Variants in TRARG1 observed in about 807,000 individuals in gnomAD.
TRARG1 encodes the protein trafficking regulator of GLUT4 1.
A neutral mutation model predicts 13.3 loss-of-function variants in TRARG1; 16 were observed. That is an observed-to-expected ratio of 1.20 (90% CI 0.81 to 1.83). The LOEUF (loss-of-function observed/expected upper bound fraction) is 1.83. TRARG1 is among the 40% of genes most tolerant of loss of function. The pLI, the probability that TRARG1 is intolerant of heterozygous loss-of-function variation, is 0.00. For missense variants in TRARG1, 250 were observed against 237.4 expected (o/e 1.05, Z -0.35); for synonymous variants, 113 against 106.2 (o/e 1.06, Z -0.39).
In TRARG1 at chr17:1,280,035, G is replaced by A; in HGVS notation, c.34G>A (p.Ala12Thr). The A allele has an allele frequency of 6.8e-6, 11 of 1,613,196 alleles. No homozygotes were observed. Among genetic ancestry groups the A allele is most frequent in the Non-Finnish European group, 9.3e-6 (11 of 1,179,942 alleles). Residue 12 changes from alanine to threonine, a missense_variant, in exon 1 of 3, where the codon GCA becomes ACA. Ala to Thr is a moderately conservative substitution (Grantham distance 58). Transcript: ENST00000333813. ...AHPVQSEFPS[A>T]QEPGSAAFLD... ...CCCGGTGCAGTCCGAGTTTCCTTCA[G>A]CACAGGAGCCAGGCTCCGCCGCATT...
rs141390883 is a variant in TRARG1 at position 1,282,078 on chromosome 17, A to G, written c.387+1690A>G. 6.6e-3 allele frequency among the ~76,000 whole-genome samples: 998 copies of G among 150,900 alleles called. 6 individuals carry two copies. The highest frequency in any genetic ancestry group is 0.012 in the Non-Finnish European group (779 of 67,656). On this transcript the variant is annotated intron_variant, in intron 1 of 2. Coordinates refer to ENST00000333813, the MANE Select transcript of TRARG1 (RefSeq NM_172367.3). ...TATGTACATGTATACACATATATAC[A>G]TATATGTACATATATACGTATATGT...
intron 1 of TRARG1, among the ~76,000 whole-genome samples, chr17:1,283,217 CA>C (rs146524132): frequency 0.043 from 6,476 of 152,178 alleles, 443 homozygotes; most frequent in African/African-American, 0.15. Context: ...TTCCCATCTG[CA>C]AAATGGGTAT....
chr17:1,279,922 G>C lies in TRARG1; in HGVS notation c.-80G>C. ...CCCGACCTGGAGGCCCTCAGTCTGGGCTGGGGAATGGCGCGCTGAGGTCCC... is the reference window on the plus strand; with the variant it reads ...CCCGACCTGGAGGCCCTCAGTCTGGCCTGGGGAATGGCGCGCTGAGGTCCC... On this transcript the variant is annotated 5_prime_UTR_variant, in exon 1 of 3. Transcript: ENST00000333813. 1 of 1,503,894 alleles carries C rather than the reference G, an allele frequency of 6.6e-7. No individual in the cohort carries two copies. Among genetic ancestry groups the C allele is most frequent in the Non-Finnish European group, 8.9e-7 (1 of 1,122,700 alleles). The allele number at this position is 1,503,894 out of a possible 1,614,324, so 93.2% of individuals were successfully genotyped here.
chr17:1,297,976 T>C (rs2072124599), intron 2 of TRARG1, among the ~76,000 whole-genome samples: 1 of 152,116 alleles, frequency 6.6e-6, no homozygotes, highest in Non-Finnish European at 1.5e-5. Flanking sequence ...ATAGCAAAAG[T>C]CTCAGGACTG....
chr17:1,295,741 G>C, intron 2 of TRARG1, 118 bp downstream of exon 2: 1 of 1,297,834 alleles, frequency 7.7e-7, no homozygotes, highest in East Asian at 2.5e-5. Flanking sequence ...AGGGCTGGTG[G>C]GGGCCCCGGC....
chr17:1,291,698 T>C (rs1289431628), intron 1 of TRARG1, among the ~76,000 whole-genome samples: 3 of 151,958 alleles, frequency 2.0e-5, no homozygotes, highest in Non-Finnish European at 2.9e-5. Flanking sequence ...GTTCAAAGAG[T>C]GCCAGCGTTG....
chr17:1,281,965 T>A (rs1421539711), intron 1 of TRARG1, among the ~76,000 whole-genome samples: 1 of 149,996 alleles, frequency 6.7e-6, no homozygotes, highest in Non-Finnish European at 1.5e-5. Flanking sequence ...CATGTACATA[T>A]ATGCACACGT....
At chr17:1,282,371 T>C (rs1176035361) in intron 1 of TRARG1, among the ~76,000 whole-genome samples, 1 of 151,630 alleles carries the variant, frequency 6.6e-6, no homozygotes, top group Non-Finnish European at 1.5e-5. Context: ...TATATGTACG[T>C]ATATGTATAT....
chr17:1,280,137 A>G lies in TRARG1; in HGVS notation c.136A>G (p.Thr46Ala), dbSNP rs2150804547. 1.2e-6 allele frequency: 2 copies of G among 1,613,602 alleles called. No individual in the cohort carries two copies. Among genetic ancestry groups the G allele is most frequent in the Non-Finnish European group, 1.7e-6 (2 of 1,179,962 alleles). ...TGACAAGACCCTGAATCTGTCCAAG[A>G]CCCTCTCGGGGCCTCTGGATCTGGA... is the stretch of plus-strand genomic sequence containing the variant. ...KDDKTLNLSKTLSGPLDLEQN... is the reference protein window; with the variant it reads ...KDDKTLNLSKALSGPLDLEQN... The change falls in exon 1 of 3, where the codon ACC becomes GCC. Residue 46 changes from threonine (T) to alanine (A), a missense_variant. Thr to Ala is a moderately conservative substitution (Grantham distance 58). Transcript: ENST00000333813.
Position 1,279,792 on chromosome 17 carries a change from G to C in TRARG1, c.-210G>C. The C allele has an allele frequency of 1.9e-6, 1 of 525,460 alleles. No homozygotes were observed. The highest frequency in any genetic ancestry group is 3.3e-6 in the Non-Finnish European group (1 of 305,618). 32.5% of individuals were successfully genotyped at this position (525,460 alleles called of 1,614,324 possible). On this transcript the variant is annotated 5_prime_UTR_variant, in exon 1 of 3. Coordinates refer to ENST00000333813, the MANE Select transcript of TRARG1 (RefSeq NM_172367.3). ...CAGCGTCTTTCTGGGAGCTCCGCGG[G>C]GGCAGCAGGCAGGCCCCAGCCTCTG...
rs1166818204 is a variant in TRARG1, at chr17:1,280,204, G to T, written c.203G>T (p.Gly68Val). Residue 68 changes from glycine (G) to valine (V), a missense_variant, in exon 1 of 3, where the codon GGG (glycine) becomes GTG (valine). Gly to Val is a moderately radical substitution (Grantham distance 109). Coordinates refer to ENST00000333813, the MANE Select transcript of TRARG1 (RefSeq NM_172367.3). ...CTACCCTTCAAGGCCATCTCCGAGG[G>T]GCACCTGGAGGCCCCACTGCCTCGG... ...QGLPFKAISEGHLEAPLPRSP... is the reference protein window; with the variant it reads ...QGLPFKAISEVHLEAPLPRSP... 1 of 1,613,990 alleles carries T rather than the reference G, an allele frequency of 6.2e-7. No homozygotes were observed. Among genetic ancestry groups the T allele is most frequent in the African/African-American group, 1.3e-5 (1 of 75,050 alleles).
intron 2 of TRARG1, 112 bp from the exon 3 acceptor site, chr17:1,298,131 CTCCCCTTA>C: frequency 8.3e-7 from 1 of 1,210,568 alleles, no homozygotes. Context: ...CCTTAGCCTT[CTCCCCTTA>C]TCCCTATTAC....
At position 1,279,741 on chromosome 17, in the gene TRARG1, T is replaced by C. The variant is rs573609100; in HGVS notation, c.-261T>C. On this transcript the variant is annotated 5_prime_UTR_variant, in exon 1 of 3. Coordinates refer to ENST00000333813, the MANE Select transcript of TRARG1 (RefSeq NM_172367.3). ...CTCAGCAGCACCAGCAAAGTTGGCC[T>C]CAAACTTGAACAAAGCTGCAGGCTC... 111 of 463,478 alleles carry C rather than the reference T, an allele frequency of 2.4e-4. No individual in the cohort carries two copies. The highest frequency in any genetic ancestry group is 1.8e-3 in the African/African-American group (93 of 51,240). The allele number at this position is 463,478 out of a possible 1,614,324, so 28.7% of individuals were successfully genotyped here.
At chr17:1,292,623 G>A (rs557552377) in intron 1 of TRARG1, among the ~76,000 whole-genome samples, 12 of 152,298 alleles carry the variant, frequency 7.9e-5, no homozygotes, top group Admixed American at 2.6e-4. Context: ...CTTCGCACAT[G>A]GCTGTTATCT....
Position 1,279,931 on chromosome 17 carries a change from T to C in TRARG1, c.-71T>C. On this transcript the variant is annotated 5_prime_UTR_variant, in exon 1 of 3. An upstream start codon of the reference 5' UTR is lost. Transcript: ENST00000333813. ...GAGGCCCTCAGTCTGGGCTGGGGAA[T>C]GGCGCGCTGAGGTCCCTCCAGAGCC... 6.6e-7 allele frequency: 1 copy of C among 1,514,276 alleles called. No homozygotes were observed. The highest frequency in any genetic ancestry group is 8.9e-7 in the Non-Finnish European group (1 of 1,129,164). 93.8% of individuals were successfully genotyped at this position (1,514,276 alleles called of 1,614,324 possible).
At chr17:1,282,265 C>CATATGCGT (rs1224619951) in intron 1 of TRARG1, among the ~76,000 whole-genome samples, 51 of 54,036 alleles carry the variant, frequency 9.4e-4, no homozygotes, top group African/African-American at 3.1e-3. Flanking sequence ...CGTATATGTA[C>CATATGCGT]ATATATGCAC....
At chr17:1,281,829 C>T (rs1184177266) in intron 1 of TRARG1, among the ~76,000 whole-genome samples, 1 of 151,918 alleles carries the variant, frequency 6.6e-6, no homozygotes, top group East Asian at 1.9e-4. Context: ...GGTGGGGTGG[C>T]AGGGTGCAGG....
At chr17:1,297,475 C>A (rs2072120245) in intron 2 of TRARG1, among the ~76,000 whole-genome samples, 1 of 151,904 alleles carries the variant, frequency 6.6e-6, no homozygotes, top group South Asian at 2.1e-4. Flanking sequence ...ATGAGTGAGT[C>A]TGATTGACAT....
intron 1 of TRARG1, among the ~76,000 whole-genome samples, chr17:1,288,574 C>T (rs549810456): frequency 9.7e-4 from 89 of 91,956 alleles, no homozygotes; most frequent in African/African-American, 3.6e-3. Flanking sequence ...GTTCCCCATC[C>T]CCCATGGGCT....
Sources: gnomAD v4.1 joint callset for allele counts (sites outside exome capture counted in the v4.1 genomes callset) on GRCh38, gnomAD v4.1.1 for gene constraint, MANE v1.5 for transcripts, NCBI Gene and HGNC (gene_info 2026-07-23, HGNC 2026-07-21) for gene names.